TEP1: variants seen among roughly 807,000 people sequenced by gnomAD.
TEP1 encodes telomerase associated protein 1.
A neutral mutation model predicts 306.3 loss-of-function variants in TEP1; 241 were observed. The ratio of observed to expected loss-of-function variants is 0.79; its 90% CI spans 0.71 to 0.88. TEP1 has a LOEUF of 0.88. TEP1 is among the 40% of genes least tolerant of loss of function. TEP1 has a pLI of 0.00. For missense variants in TEP1, 3,051 were observed against 3,276.1 expected, an observed-to-expected ratio of 0.93 and a Z score of 1.68; for synonymous variants, 1,289 against 1,305.5, an observed-to-expected ratio of 0.99 and a Z score of 0.27.
rs1876532870 is a variant in TEP1 at position 20,381,577 on chromosome 14, C to T, written c.4534G>A (p.Asp1512Asn). 1 of 1,613,724 alleles carries T rather than the reference C, an allele frequency of 6.2e-7. No individual in the cohort carries two copies. Among genetic ancestry groups the T allele is most frequent in the Non-Finnish European group, 8.5e-7 (1 of 1,180,030 alleles). Residue 1512 changes from aspartate to asparagine, a missense_variant, in exon 31 of 55, where the codon GAC (aspartate) becomes AAC (asparagine). By Grantham distance (23) the Asp-to-Asn change is conservative (BLOSUM62 1). Coordinates refer to ENST00000262715, the MANE Select transcript of TEP1 (RefSeq NM_007110.5). The surrounding 1 kb of genome is among the most constrained non-coding windows in gnomAD (Gnocchi z 4.0). ...CCTGCAATGAGGATGTGTGCCGTGTCCTCTAGCCCTGGCCTCTTCCCATAG... is the reference window on the plus strand; with the variant it reads ...CCTGCAATGAGGATGTGTGCCGTGTTCTCTAGCCCTGGCCTCTTCCCATAG... ...RCYGKRPGLE[D>N]TAHILIAAQL...
Position 20,401,577 on chromosome 14 carries a change from T to C in TEP1, c.1271A>G (p.Glu424Gly). 1 of 1,614,060 alleles carries C rather than the reference T, an allele frequency of 6.2e-7. No homozygotes were observed. Residue 424 changes from glutamate (E) to glycine (G), a missense_variant, in exon 8 of 55, where the codon GAG (glutamate) becomes GGG (glycine). Transcript: ENST00000262715. ...CTCTGACACTGTATCACCGGCCTTC[T>C]CAAACTGTGGAAACATCCCCAAGTC... is the stretch of plus-strand genomic sequence containing the variant. ...GFLREEQRKF[E>G]KAGDTVSEKK...
Position 20,381,230 on chromosome 14 carries a change from T to A in TEP1, c.4647+83A>T. On this transcript the variant is annotated intron_variant, in intron 32 of 54. Transcript: ENST00000262715. This position sits in a 1 kb window ranked among gnomAD's most constrained non-coding sequence, Gnocchi z 4.0. ...GGAGGGGTAATGGCGGCGGTGATGG[T>A]GGAGATGGTAACGGGGAGAGGGGTC... 1 of 1,414,602 alleles carries A rather than the reference T, an allele frequency of 7.1e-7. No homozygotes were observed. Among genetic ancestry groups the A allele is most frequent in the Non-Finnish European group, 1.0e-6 (1 of 999,546 alleles). 87.6% of individuals were successfully genotyped at this position (1,414,602 alleles called of 1,614,324 possible).
rs755759342 is a variant in TEP1, at chr14:20,375,766, C to G, written c.6352G>C (p.Asp2118His). Residue 2118 changes from aspartate to histidine, a missense_variant, in exon 43 of 55, where the codon GAT becomes CAT. By Grantham distance (81) the Asp-to-His change is moderately conservative. Around this residue, in one of 3 missense-constraint regions of TEP1, gnomAD observed 1,540 missense variants for 1,705.9 expected, o/e 0.90. Coordinates refer to ENST00000262715, the MANE Select transcript of TEP1 (RefSeq NM_007110.5). Reference protein sequence around the residue: ...DWVTGCAWTKDNLLISCSSDG... With the variant: ...DWVTGCAWTKHNLLISCSSDG... Reference sequence around the variant, plus strand: ...GGCCCTTTACTCACCAGTAGGTTATCTTTGGTCCAGGCACAGCCAGTGACC... The same window carrying G: ...GGCCCTTTACTCACCAGTAGGTTATGTTTGGTCCAGGCACAGCCAGTGACC... The G allele has an allele frequency of 6.2e-7, 1 of 1,613,152 alleles. No homozygotes were observed. The highest frequency in any genetic ancestry group is 8.5e-7 in the Non-Finnish European group (1 of 1,179,610).
Position 20,376,267 on chromosome 14 carries a change from G to A in TEP1, c.6089-3C>T. Reference sequence around the variant, plus strand: ...CCACAGCTGCACTGTGAAATCCTCTGCATTGGAAAAAGAGAGAGGGAACAG... The same window carrying A: ...CCACAGCTGCACTGTGAAATCCTCTACATTGGAAAAAGAGAGAGGGAACAG... On this transcript the variant is annotated splice_polypyrimidine_tract_variant and splice_region_variant and intron_variant, in intron 41 of 54. Coordinates refer to ENST00000262715, the MANE Select transcript of TEP1 (RefSeq NM_007110.5). 2 of 1,609,612 alleles carry A rather than the reference G, an allele frequency of 1.2e-6. No homozygotes were observed. Among genetic ancestry groups the A allele is most frequent in the Non-Finnish European group, 1.7e-6 (2 of 1,178,430 alleles).
chr14:20,380,410 G>C lies in TEP1; in HGVS notation c.4828C>G (p.Leu1610Val). The change falls in exon 34 of 55, where the codon CTG (leucine) becomes GTG (valine). Residue 1610 changes from leucine (L) to valine (V), a missense_variant. By Grantham distance (32) the Leu-to-Val change is conservative (BLOSUM62 1). Transcript: ENST00000262715. Reference protein sequence around the residue: ...EADVAVFRTFLRQQASILSQY... With the variant: ...EADVAVFRTFVRQQASILSQY... ...CTGAGGATTGAAGCCTGCTGCCTCA[G>C]GAAGGTGCGAAACACTGCAACGTCA... 1 of 1,614,222 alleles carries C rather than the reference G, an allele frequency of 6.2e-7. No individual in the cohort carries two copies. The highest frequency in any genetic ancestry group is 2.2e-5 in the East Asian group (1 of 44,884).
chr14:20,382,839 A>C (rs570866202), intron 27 of TEP1, 124 bp from the exon 28 acceptor site: 2 of 851,920 alleles, frequency 2.3e-6, no homozygotes, highest in South Asian at 3.0e-5. Flanking sequence ...CGCCAGGTCC[A>C]TGGCATCATC....
chr14:20,399,982 C>T (rs1171612272), intron 9 of TEP1, among the ~76,000 whole-genome samples: 3 of 151,394 alleles, frequency 2.0e-5, no homozygotes, highest in Non-Finnish European at 4.4e-5. Context: ...TATGGTGAAA[C>T]GCCGTCTCTA....
chr14:20,376,855 G>A (rs1337456136), intron 41 of TEP1, among the ~76,000 whole-genome samples: 4 of 152,158 alleles, frequency 2.6e-5, no homozygotes, highest in African/African-American at 4.8e-5. Flanking sequence ...AAACAAAATC[G>A]CACATGTGTA....
At chr14:20,402,281 C>CTG (rs532791615) in intron 7 of TEP1, among the ~76,000 whole-genome samples, 112 of 152,240 alleles carry the variant, frequency 7.4e-4, no homozygotes, top group Non-Finnish European at 1.6e-4. Flanking sequence ...GCACTCCAGC[C>CTG]TGGGCTACAG....
In TEP1 at chr14:20,384,184, C is replaced by A; in HGVS notation, c.3388G>T (p.Val1130Phe). The A allele has an allele frequency of 6.2e-7, 1 of 1,614,154 alleles. No homozygotes were observed. The highest frequency in any genetic ancestry group is 8.5e-7 in the Non-Finnish European group (1 of 1,180,032). Residue 1130 changes from valine (V) to phenylalanine (F), a missense_variant, in exon 24 of 55, where the codon GTC becomes TTC. Physicochemically the swap from Val to Phe is conservative, Grantham distance 50. Coordinates refer to ENST00000262715, the MANE Select transcript of TEP1 (RefSeq NM_007110.5). ...TGCAGCTGCTGGAAGGTGGCCTGGA[C>A]CAAGTCATCGTCTGGGATGGACACT... is the stretch of plus-strand genomic sequence containing the variant. ...QPVSIPDDDL[V>F]QATFQQLQKP...
intron 43 of TEP1, among the ~76,000 whole-genome samples, chr14:20,374,818 G>A (rs1179079858): frequency 2.0e-5 from 3 of 152,140 alleles, no homozygotes; most frequent in South Asian, 2.1e-4. Context: ...GGCTGGGCAC[G>A]GTGGCTCATG....
Position 20,391,651 on chromosome 14 carries a change from T to C in TEP1, c.2045A>G (p.Tyr682Cys), listed in dbSNP as rs762562093. 5 of 1,614,000 alleles carry C rather than the reference T, an allele frequency of 3.1e-6. No individual in the cohort carries two copies. The highest frequency in any genetic ancestry group is 4.5e-5 in the East Asian group (2 of 44,892). Residue 682 changes from tyrosine (Y) to cysteine (C), a missense_variant, in exon 13 of 55, where the codon TAT (tyrosine) becomes TGT (cysteine). By Grantham distance (194) the Tyr-to-Cys change is radical. Around this residue, in one of 3 missense-constraint regions of TEP1, gnomAD observed 1,507 missense variants for 1,550.5 expected, o/e 0.97. Transcript: ENST00000262715. ...PLLPGRTVLVYLTDANADRLC... is the reference protein window; with the variant it reads ...PLLPGRTVLVCLTDANADRLC... ...CCTGTCTGCATTAGCATCTGTCAGA[T>C]AGACCAAGACAGTGCGGCCTGGCAG...
chr14:20,401,182 G>C, intron 8 of TEP1, 41 bp from the exon 9 acceptor site: 1 of 1,604,396 alleles, frequency 6.2e-7, no homozygotes, highest in Non-Finnish European at 8.5e-7. Flanking sequence ...TTCAGAGTCA[G>C]CAAGAAAATA....
Position 20,373,259 on chromosome 14 carries a change from G to A in TEP1, c.6814+11C>T. On this transcript the variant is annotated intron_variant, in intron 47 of 54. Coordinates refer to ENST00000262715, the MANE Select transcript of TEP1 (RefSeq NM_007110.5). ...AGTAACACACCCTGTCTCTCTCCAA[G>A]CCTCACTCACCTGCTTCCTTAGGAA... 1.2e-6 allele frequency: 2 copies of A among 1,613,732 alleles called. No homozygotes were observed. Among genetic ancestry groups the A allele is most frequent in the Non-Finnish European group, 1.7e-6 (2 of 1,179,674 alleles).
chr14:20,368,998 C>A, intron 53 of TEP1, 96 bp from the exon 54 acceptor site: 1 of 845,642 alleles, frequency 1.2e-6, no homozygotes, highest in Non-Finnish European at 1.9e-6. Context: ...CAGCCCTCCT[C>A]CCTTAGTATT....
intron 20 of TEP1, among the ~76,000 whole-genome samples, chr14:20,385,337 G>A (rs537713175): frequency 6.6e-6 from 1 of 152,094 alleles, no homozygotes; most frequent in African/African-American, 2.4e-5. Context: ...AATGTATTGA[G>A]TATTCTGTTA....
chr14:20,369,351 C>T lies in TEP1; in HGVS notation c.7649G>A (p.Arg2550His), dbSNP rs190503710. 2.2e-5 allele frequency: 35 copies of T among 1,614,164 alleles called. No homozygotes were observed. The highest frequency in any genetic ancestry group is 1.7e-4 in the African/African-American group (13 of 75,052). The change falls in exon 53 of 55, where the codon CGT (arginine) becomes CAT (histidine). Residue 2550 changes from arginine (R) to histidine (H), a missense_variant. Around this residue, in one of 3 missense-constraint regions of TEP1, gnomAD observed 1,540 missense variants for 1,705.9 expected, o/e 0.90. Transcript: ENST00000262715. Reference sequence around the variant, plus strand: ...CCCTTCCTTCAAACTCACCTTTCTACGCTGCCGTGTCTTTAGATGTGGTGT... The same window carrying T: ...CCCTTCCTTCAAACTCACCTTTCTATGCTGCCGTGTCTTTAGATGTGGTGT... ...EPTPHLKTRQ[R>H]RKIHSGSVTA...
rs1326554936 is a variant in TEP1 at position 20,408,132 on chromosome 14, T to G, written c.308A>C (p.Asp103Ala). 5 of 1,609,968 alleles carry G rather than the reference T, an allele frequency of 3.1e-6. No homozygotes were observed. The Admixed American group carries it at 8.4e-5, about 27-fold the overall frequency. The change falls in exon 2 of 55, where the codon GAC becomes GCC. Residue 103 changes from aspartate (D) to alanine (A), a missense_variant. Around this residue, in one of 3 missense-constraint regions of TEP1, gnomAD observed 1,507 missense variants for 1,550.5 expected, o/e 0.97. Coordinates refer to ENST00000262715, the MANE Select transcript of TEP1 (RefSeq NM_007110.5). ...KPHGHVSAHP[D>A]ILSLENRCLA... ...GCACCGGTTCTCCAAGGAGAGGATG[T>G]CTGGGTGGGCAGAAACATGTCCATG...
intron 1 of TEP1, among the ~76,000 whole-genome samples, chr14:20,412,213 G>A (rs181363045): frequency 1.3e-5 from 2 of 152,094 alleles, no homozygotes; most frequent in Admixed American, 6.5e-5. Context: ...TGCTCATGTC[G>A]TTGCCCTATA....
Sources: allele counts gnomAD v4.1 joint callset (sites outside exome capture counted in the v4.1 genomes callset), GRCh38; gene constraint gnomAD v4.1.1; regional missense constraint gnomAD v4.1.1; non-coding constraint Gnocchi (gnomAD v3.1); transcripts MANE v1.5; gene names NCBI Gene and HGNC (gene_info 2026-07-23, HGNC 2026-07-21).